PIK3R5: variants seen among roughly 807,000 people sequenced by gnomAD.
The protein encoded by PIK3R5 is phosphoinositide 3-kinase regulatory subunit 5.
In PIK3R5, 32 loss-of-function variants were observed where a neutral mutation model predicts 94.9. That is an observed-to-expected ratio of 0.34 (90% CI 0.25 to 0.45). The LOEUF (loss-of-function observed/expected upper bound fraction) is 0.45, where lower values mean the gene tolerates loss of function less well. Ranked by LOEUF, PIK3R5 falls within the 20% of genes least tolerant of loss-of-function variation. The pLI, the probability that PIK3R5 is intolerant of heterozygous loss-of-function variation, is 1.00. For missense variants in PIK3R5, 853 were observed against 1,144.6 expected (o/e 0.75, Z 3.68); for synonymous variants, 443 against 479.4 (o/e 0.92, Z 0.99).
intron 1 of PIK3R5, among the ~76,000 whole-genome samples, chr17:8,923,128 C>T (rs1251781893): frequency 6.6e-6 from 1 of 152,108 alleles, no homozygotes; most frequent in African/African-American, 2.4e-5. Context: ...AGCACATGAT[C>T]TCATTTATTT....
At chr17:8,886,203 T>C (rs1327168869) in intron 14 of PIK3R5, 26 bp downstream of exon 14, 1 of 1,574,610 alleles carries the variant, frequency 6.4e-7, no homozygotes, top group Admixed American at 1.7e-5. Flanking sequence ...CGCCTCACCG[T>C]CTGTCTCTGC....
At chr17:8,936,628 T>C (rs2091081179) in intron 1 of PIK3R5, among the ~76,000 whole-genome samples, 1 of 152,228 alleles carries the variant, frequency 6.6e-6, no homozygotes, top group Non-Finnish European at 1.5e-5. Context: ...TAATATTCCA[T>C]TGTATGGATG....
At chr17:8,937,879 G>A (rs1180588217) in intron 1 of PIK3R5, among the ~76,000 whole-genome samples, 3 of 151,988 alleles carry the variant, frequency 2.0e-5, no homozygotes, top group Admixed American at 2.0e-4. Context: ...GCACAATCTC[G>A]GCTCATTGCA....
rs146487935 is a variant in PIK3R5, at chr17:8,962,551, G to T, written c.-14+3045C>A. Among the ~76,000 whole-genome samples, 930 of 152,330 alleles carry T rather than the reference G, an allele frequency of 6.1e-3. 13 individuals are homozygous for T. Among genetic ancestry groups the T allele is most frequent in the African/African-American group, 0.021 (885 of 41,558 alleles). On this transcript the variant is annotated intron_variant, in intron 1 of 18. Coordinates refer to ENST00000447110, the MANE Select transcript of PIK3R5 (RefSeq NM_001142633.3). ...GAACAACATAATTCTGTGTGGACCT[G>T]TGTATCGCTAACACATCCCCCAAAT...
chr17:8,927,944 A>G (rs1283605314), intron 1 of PIK3R5, among the ~76,000 whole-genome samples: 4 of 152,136 alleles, frequency 2.6e-5, no homozygotes, highest in South Asian at 4.1e-4. Flanking sequence ...TCTTCACACC[A>G]GCTCCTTTTA....
At chr17:8,933,562 T>C (rs1322466784) in intron 1 of PIK3R5, among the ~76,000 whole-genome samples, 1 of 152,142 alleles carries the variant, frequency 6.6e-6, no homozygotes, top group Non-Finnish European at 1.5e-5. Context: ...GAAACCAGCA[T>C]AATCCTGATG....
chr17:8,945,995 C>T lies in PIK3R5; in HGVS notation c.-14+19601G>A, dbSNP rs1167503803. Among the ~76,000 whole-genome samples the T allele has an allele frequency of 6.6e-6, 1 of 152,174 alleles. No individual in the cohort carries two copies. The highest frequency in any genetic ancestry group is 2.4e-5 in the African/African-American group (1 of 41,426). ...GGCCCCTTGTAGGCATTCTCATTTA[C>T]AGTTTCAGTTACCAGCCGTTTGATC... On this transcript the variant is annotated intron_variant, in intron 1 of 18. Coordinates refer to ENST00000447110, the MANE Select transcript of PIK3R5 (RefSeq NM_001142633.3). This position sits in a 1 kb window ranked among gnomAD's most constrained non-coding sequence, Gnocchi z 4.0.
intron 1 of PIK3R5, among the ~76,000 whole-genome samples, chr17:8,936,524 T>C (rs2091079228): frequency 6.6e-6 from 1 of 152,240 alleles, no homozygotes; most frequent in Non-Finnish European, 1.5e-5. Flanking sequence ...GTAGTTTTTT[T>C]CAGATTGGCT....
chr17:8,959,591 C>T (rs977035083), intron 1 of PIK3R5, among the ~76,000 whole-genome samples: 1 of 152,118 alleles, frequency 6.6e-6, no homozygotes, highest in Admixed American at 6.5e-5. Context: ...GGTTGCAGAA[C>T]GCTCCCCCAG....
At chr17:8,950,022 G>C (rs2091348213) in intron 1 of PIK3R5, among the ~76,000 whole-genome samples, 1 of 152,210 alleles carries the variant, frequency 6.6e-6, no homozygotes, top group African/African-American at 2.4e-5. Context: ...CTAAGGGAAA[G>C]ATCCAGGAAC....
chr17:8,965,001 C>CCACACACACA (rs10680170), intron 1 of PIK3R5, among the ~76,000 whole-genome samples: 4,803 of 150,768 alleles, frequency 0.032, 90 homozygotes, highest in Middle Eastern at 0.055. Context: ...ATGCGCATGC[C>CCACACACACA]CACACACACA....
At chr17:8,953,517 A>G (rs2091414861) in intron 1 of PIK3R5, among the ~76,000 whole-genome samples, 3 of 152,160 alleles carry the variant, frequency 2.0e-5, no homozygotes, top group Non-Finnish European at 4.4e-5. Flanking sequence ...CCACAGGCTA[A>G]TGTGTTGAAC....
intron 1 of PIK3R5, among the ~76,000 whole-genome samples, chr17:8,913,805 G>A (rs1437663069): frequency 6.6e-6 from 1 of 152,204 alleles, no homozygotes; most frequent in Admixed American, 6.5e-5. Flanking sequence ...GACATCCTGA[G>A]GCCCTTCCAT....
chr17:8,887,355 T>C (rs896791251), intron 11 of PIK3R5, 134 bp from the exon 12 acceptor site: 2 of 1,381,568 alleles, frequency 1.4e-6, no homozygotes, highest in Non-Finnish European at 9.9e-7. Context: ...CAACTTTCAG[T>C]CTTTGTCATA....
intron 1 of PIK3R5, among the ~76,000 whole-genome samples, chr17:8,926,919 T>C (rs1329078908): frequency 6.6e-6 from 1 of 152,150 alleles, no homozygotes; most frequent in Non-Finnish European, 1.5e-5. Flanking sequence ...GTTATATATA[T>C]ATAAATTAAA....
rs766030309 is a variant in PIK3R5, at chr17:8,881,048, C to A, written c.2383-31G>T. The A allele has an allele frequency of 3.3e-6, 5 of 1,521,482 alleles. No individual in the cohort carries two copies. In the South Asian group the frequency reaches 4.5e-5, roughly 14 times the overall value. The allele number at this position is 1,521,482 out of a possible 1,614,324, so 94.2% of individuals were successfully genotyped here. Reference sequence around the variant, plus strand: ...AGGAAGGCCCAGGTCAGCCCCAAATCCCTGGCCATCCAACACTGCCAGCCC... The same window carrying A: ...AGGAAGGCCCAGGTCAGCCCCAAATACCTGGCCATCCAACACTGCCAGCCC... On this transcript the variant is annotated intron_variant, in intron 17 of 18. Coordinates refer to ENST00000447110, the MANE Select transcript of PIK3R5 (RefSeq NM_001142633.3). The surrounding 1 kb of genome is among the most constrained non-coding windows in gnomAD (Gnocchi z 4.8).
chr17:8,922,480 G>A (rs2090772632), intron 1 of PIK3R5, among the ~76,000 whole-genome samples: 1 of 152,116 alleles, frequency 6.6e-6, no homozygotes, highest in Non-Finnish European at 1.5e-5. Context: ...GCCCGAGCTT[G>A]AAGTCTGTGC....
At chr17:8,933,056 C>T (rs1240094379) in intron 1 of PIK3R5, among the ~76,000 whole-genome samples, 1 of 152,098 alleles carries the variant, frequency 6.6e-6, no homozygotes, top group Non-Finnish European at 1.5e-5. Flanking sequence ...TTAGAAACAA[C>T]ACAAACTAGG....
intron 5 of PIK3R5, among the ~76,000 whole-genome samples, chr17:8,895,646 C>A (rs558424322): frequency 6.6e-6 from 1 of 152,164 alleles, no homozygotes; most frequent in African/African-American, 2.4e-5. Context: ...GGATGAGGAG[C>A]AGTCTCTAAC....
Sources: gnomAD v4.1 joint callset for allele counts (sites outside exome capture counted in the v4.1 genomes callset) on GRCh38, gnomAD v4.1.1 for gene constraint, Gnocchi (gnomAD v3.1) non-coding constraint, MANE v1.5 for transcripts, NCBI Gene and HGNC (gene_info 2026-07-23, HGNC 2026-07-21) for gene names.